TMEM94: variants seen among roughly 807,000 people sequenced by gnomAD.
TMEM94 encodes ER Mg2+ ATPase.
A neutral mutation model predicts 158.6 loss-of-function variants in TMEM94; 81 were observed. The ratio of observed to expected loss-of-function variants is 0.51; its 90% confidence interval spans 0.43 to 0.61. The LOEUF (loss-of-function observed/expected upper bound fraction) is 0.61, where lower values mean the gene tolerates loss of function less well. Ranked by LOEUF, TMEM94 falls within the 20% of genes least tolerant of loss-of-function variation. TMEM94 has a pLI of 0.00. For missense variants in TMEM94, 1,435 were observed against 1,762.0 expected, an observed-to-expected ratio of 0.81 and a Z score of 3.32; for synonymous variants, 751 against 730.7, an observed-to-expected ratio of 1.03 and a Z score of -0.45.
intron 1 of TMEM94, among the ~76,000 whole-genome samples, chr17:75,461,474 G>A (rs2050065892): frequency 6.6e-6 from 1 of 152,104 alleles, no homozygotes; most frequent in East Asian, 1.9e-4. Flanking sequence ...AAAAGTATAT[G>A]TATTCAAGGG....
intron 11 of TMEM94, 67 bp downstream of exon 11, chr17:75,490,825 T>C: frequency 6.9e-7 from 1 of 1,454,334 alleles, no homozygotes; most frequent in Non-Finnish European, 9.6e-7. Flanking sequence ...GACTCCCCTA[T>C]TTATGGCCTT....
intron 16 of TMEM94, 180 bp downstream of exon 16, chr17:75,493,282 G>A: frequency 1.2e-6 from 1 of 851,058 alleles, no homozygotes; most frequent in Non-Finnish European, 1.8e-6. Flanking sequence ...GTTGGCTGCA[G>A]AGGCCGGGAT....
intron 6 of TMEM94, among the ~76,000 whole-genome samples, 186 bp downstream of exon 6, chr17:75,488,320 A>C (rs2051808067): frequency 6.6e-6 from 1 of 152,098 alleles, no homozygotes; most frequent in Non-Finnish European, 1.5e-5. Context: ...CCTGTCGCCC[A>C]GGCTGGAGTG....
chr17:75,462,000 TG>T (rs1321498571), intron 1 of TMEM94, among the ~76,000 whole-genome samples: 5,847 of 78,618 alleles, frequency 0.074, 772 homozygotes, highest in African/African-American at 0.23. Flanking sequence ...TTTTTTGTTT[TG>T]TTTTGTTTTG....
intron 18 of TMEM94, among the ~76,000 whole-genome samples, 190 bp from the exon 19 acceptor site, chr17:75,494,437 G>A (rs971896066): frequency 3.9e-5 from 6 of 152,208 alleles, no homozygotes; most frequent in South Asian, 4.1e-4. Flanking sequence ...GCTCAGATTC[G>A]GCTACCTGAC....
intron 1 of TMEM94, 103 bp from the exon 2 acceptor site, chr17:75,471,697 G>A: frequency 2.0e-6 from 1 of 509,998 alleles, no homozygotes; most frequent in Non-Finnish European, 3.6e-6. Context: ...CTGGGCGACA[G>A]AGTGAGACTC....
In TMEM94 at chr17:75,499,283, G is replaced by A; in HGVS notation, c.4020G>A (p.Lys1340=). The A allele has an allele frequency of 6.2e-7, 1 of 1,613,734 alleles. No homozygotes were observed. The highest frequency in any genetic ancestry group is 8.5e-7 in the Non-Finnish European group (1 of 1,179,986). Residue 1340 remains lysine (K), a synonymous_variant, in exon 32 of 32, where the codon AAG becomes AAA. Coordinates refer to ENST00000314256, the MANE Select transcript of TMEM94 (RefSeq NM_014738.6). ...CCAGGGTCCGAGTCCGCTACCAGAA[G>A]CGACAGAAGCTGCAGTTTGAAACTA... ...HEIRVRVRYQ[K]RQKLQFETKL...
intron 2 of TMEM94, among the ~76,000 whole-genome samples, chr17:75,473,039 A>G (rs2146260133): frequency 6.6e-6 from 1 of 152,234 alleles, no homozygotes; most frequent in Admixed American, 6.5e-5. Context: ...CCTGGCATGT[A>G]GCAAGGGCTT....
intron 5 of TMEM94, 134 bp downstream of exon 5, chr17:75,486,560 GT>G: frequency 1.8e-6 from 2 of 1,105,938 alleles, no homozygotes; most frequent in South Asian, 1.5e-5. Flanking sequence ...CATCTGGGGA[GT>G]TAGAAGGATG....
At chr17:75,479,543 C>T (rs1038655470) in intron 2 of TMEM94, among the ~76,000 whole-genome samples, 1 of 151,936 alleles carries the variant, frequency 6.6e-6, no homozygotes, top group Non-Finnish European at 1.5e-5. Context: ...TGGTCTCGAA[C>T]TCCTCATCTC....
rs8071035 is a variant in TMEM94, at chr17:75,492,157, G to A, written c.1596+257G>A. 1.0e-5 allele frequency: 10 copies of A among 990,046 alleles called. No homozygotes were observed. In the East Asian group the frequency reaches 1.3e-4, roughly 13 times the overall value. 61.3% of individuals were successfully genotyped at this position (990,046 alleles called of 1,614,324 possible). A position where few individuals can be genotyped will look rare whatever the true frequency, so the allele number is the denominator to read the frequency against. ...GGAACCTTCCAAATATACACAGCCC[G>A]GAGCTCCCTCTTAGAGATGTTCCCT... On this transcript the variant is annotated intron_variant, in intron 14 of 31. Coordinates refer to ENST00000314256, the MANE Select transcript of TMEM94 (RefSeq NM_014738.6). This position sits in a 1 kb window ranked among gnomAD's most constrained non-coding sequence, Gnocchi z 4.4.
chr17:75,493,465 C>G (rs767936851), intron 16 of TMEM94, 26 bp from the exon 17 acceptor site: 1 of 1,609,042 alleles, frequency 6.2e-7, no homozygotes, highest in Non-Finnish European at 8.5e-7. Context: ...GTTAGCGACA[C>G]TCAGGGTTTG....
chr17:75,476,752 G>A, intron 2 of TMEM94: 2 of 1,535,734 alleles, frequency 1.3e-6, no homozygotes, highest in Non-Finnish European at 1.7e-6. Context: ...AAGTGAGTAT[G>A]CTGGCAGGGC....
rs1171912403 is a variant in TMEM94, at chr17:75,495,136, ACATT to A, written c.2728+104_2728+107del. On this transcript the variant is annotated intron_variant, in intron 20 of 31. Coordinates refer to ENST00000314256, the MANE Select transcript of TMEM94 (RefSeq NM_014738.6). The surrounding 1 kb of genome is among the most constrained non-coding windows in gnomAD (Gnocchi z 5.6). ...CCTCCGGAGAGCCCTCCAGTTAAGTACATTCCCTTGGGAAATGGCTCTGATGTCC... is the reference window on the plus strand; with the variant it reads ...CCTCCGGAGAGCCCTCCAGTTAAGTACCCTTGGGAAATGGCTCTGATGTCC... The A allele has an allele frequency of 1.3e-6, 2 of 1,505,114 alleles. No homozygotes were observed. The highest frequency in any genetic ancestry group is 1.8e-6 in the Non-Finnish European group (2 of 1,112,314). The allele number at this position is 1,505,114 out of a possible 1,614,324, so 93.2% of individuals were successfully genotyped here.
intron 1 of TMEM94, among the ~76,000 whole-genome samples, chr17:75,463,026 AAAAAAAAAAAAATATATATATAT>A (rs2050132891): frequency 8.7e-5 from 1 of 11,474 alleles, no homozygotes; most frequent in Non-Finnish European, 1.7e-4. Flanking sequence ...AAAAAAAAAA[AAAAAAAAAAAAATATATATATAT>A]ATATATATAT....
chr17:75,475,805 C>T (rs920797631), intron 2 of TMEM94, among the ~76,000 whole-genome samples: 3 of 152,208 alleles, frequency 2.0e-5, no homozygotes, highest in Non-Finnish European at 4.4e-5. Flanking sequence ...CCGGCTCTTC[C>T]CTGCATGGCT....
chr17:75,488,934 C>T (rs758232509), intron 7 of TMEM94, 24 bp downstream of exon 7: 29 of 1,540,168 alleles, frequency 1.9e-5, no homozygotes, highest in Admixed American at 2.0e-5. Context: ...CCCGCCTCCT[C>T]CTGTCCCTGG....
Position 75,495,154 on chromosome 17 carries a change from G to A in TMEM94, c.2728+120G>A, listed in dbSNP as rs1243346833. On this transcript the variant is annotated intron_variant, in intron 20 of 31. Coordinates refer to ENST00000314256, the MANE Select transcript of TMEM94 (RefSeq NM_014738.6). This position sits in a 1 kb window ranked among gnomAD's most constrained non-coding sequence, Gnocchi z 5.6. ...GTTAAGTACATTCCCTTGGGAAATGGCTCTGATGTCCCTGCGGGAAACAGT... is the reference window on the plus strand; with the variant it reads ...GTTAAGTACATTCCCTTGGGAAATGACTCTGATGTCCCTGCGGGAAACAGT... The A allele has an allele frequency of 1.4e-6, 2 of 1,447,256 alleles. No homozygotes were observed. Among genetic ancestry groups the A allele is most frequent in the Non-Finnish European group, 1.9e-6 (2 of 1,067,340 alleles). The allele number at this position is 1,447,256 out of a possible 1,614,324, so 89.7% of individuals were successfully genotyped here. A position where few individuals can be genotyped will look rare whatever the true frequency, so the allele number is the denominator to read the frequency against.
intron 1 of TMEM94, 37 bp from the exon 2 acceptor site, chr17:75,471,763 C>A: frequency 2.5e-6 from 2 of 798,670 alleles, no homozygotes; most frequent in Non-Finnish European, 4.1e-6. Context: ...CTGCCTGTTC[C>A]AGCAACCTGA....
Sources: allele counts gnomAD v4.1 joint callset (sites outside exome capture counted in the v4.1 genomes callset), GRCh38; gene constraint gnomAD v4.1.1; non-coding constraint Gnocchi (gnomAD v3.1); transcripts MANE v1.5; gene names NCBI Gene and HGNC (gene_info 2026-07-23, HGNC 2026-07-21).